The following L3MBTL3 variants were observed in gnomAD, a reference collection of about 807,000 sequenced individuals.
L3MBTL3 encodes the protein L3MBTL histone methyl-lysine binding protein 3.
L3MBTL3 carries 27 observed loss-of-function variants against 102.3 expected under a neutral mutation model. The ratio of observed to expected loss-of-function variants is 0.26; its 90% CI spans 0.19 to 0.36. The LOEUF is 0.36. L3MBTL3 is among the 10% of genes least tolerant of loss of function. The pLI, the probability that L3MBTL3 is intolerant of heterozygous loss-of-function variation, is 1.00. For missense variants in L3MBTL3, 798 were observed against 955.3 expected, an observed-to-expected ratio of 0.84 and a Z score of 2.17; for synonymous variants, 340 against 320.9, an observed-to-expected ratio of 1.06 and a Z score of -0.64.
intron 3 of L3MBTL3, among the ~76,000 whole-genome samples, chr6:130,047,029 A>G (rs1780767164): frequency 6.6e-6 from 1 of 152,224 alleles, no homozygotes; most frequent in South Asian, 2.1e-4. Flanking sequence ...GTTTTTGCAT[A>G]TGACAGAATA....
chr6:130,133,715 T>G lies in L3MBTL3; in HGVS notation c.2136+94T>G, dbSNP rs901115569. 1.8e-5 allele frequency: 27 copies of G among 1,521,952 alleles called. No individual in the cohort carries two copies. Among genetic ancestry groups the G allele is most frequent in the Non-Finnish European group, 2.3e-5 (26 of 1,114,942 alleles). The allele number at this position is 1,521,952 out of a possible 1,614,324, so 94.3% of individuals were successfully genotyped here. On this transcript the variant is annotated intron_variant, in intron 21 of 22. Transcript: ENST00000361794. This position sits in a 1 kb window ranked among gnomAD's most constrained non-coding sequence, Gnocchi z 4.9. ...GAGCGTAGGTAGCGTTTAGTCTTTT[T>G]TTTTCTGAAAGAGAAGAAATTATTG... is the stretch of plus-strand genomic sequence containing the variant.
chr6:130,063,393 T>C (rs543714191), intron 10 of L3MBTL3, among the ~76,000 whole-genome samples: 1 of 152,136 alleles, frequency 6.6e-6, no homozygotes, highest in Non-Finnish European at 1.5e-5. Context: ...GACAGGACCA[T>C]CTAGGAGAAT....
intron 19 of L3MBTL3, among the ~76,000 whole-genome samples, chr6:130,110,876 T>C (rs1785307502): frequency 6.6e-6 from 1 of 152,220 alleles, no homozygotes; most frequent in Non-Finnish European, 1.5e-5. Context: ...CATCAATACC[T>C]AGTTTTCTTT....
chr6:130,057,183 C>T (rs1378671623), intron 8 of L3MBTL3, among the ~76,000 whole-genome samples: 1 of 152,150 alleles, frequency 6.6e-6, no homozygotes, highest in Non-Finnish European at 1.5e-5. Flanking sequence ...ATTCTAAGTA[C>T]TTCCACTTCC....
At chr6:130,090,875 C>T (rs1357866358) in intron 16 of L3MBTL3, among the ~76,000 whole-genome samples, 1 of 152,180 alleles carries the variant, frequency 6.6e-6, no homozygotes, top group East Asian at 1.9e-4. Flanking sequence ...GCATGAACCA[C>T]TGAGCCTGGC....
At chr6:130,081,743 C>T (rs1399022943) in intron 14 of L3MBTL3, among the ~76,000 whole-genome samples, 1 of 152,022 alleles carries the variant, frequency 6.6e-6, no homozygotes, top group Non-Finnish European at 1.5e-5. Flanking sequence ...ACTCTTTAAA[C>T]ATTTTATTTT....
chr6:130,093,107 C>A (rs1003296684), intron 17 of L3MBTL3, among the ~76,000 whole-genome samples: 36 of 152,272 alleles, frequency 2.4e-4, no homozygotes, highest in African/African-American at 8.7e-4. Flanking sequence ...TCACCTTTTA[C>A]AATTAGTGTT....
intron 15 of L3MBTL3, among the ~76,000 whole-genome samples, chr6:130,084,560 T>C (rs901436192): frequency 2.0e-5 from 3 of 152,332 alleles, no homozygotes; most frequent in Admixed American, 6.5e-5. Context: ...TGATTTCATC[T>C]GATAGTAAGT....
chr6:130,062,555 A>T (rs1344045681), intron 10 of L3MBTL3, among the ~76,000 whole-genome samples: 2 of 124,226 alleles, frequency 1.6e-5, no homozygotes, highest in East Asian at 2.4e-4. Flanking sequence ...GCCCAGCTAA[A>T]TTTTTTTTTT....
At chr6:130,085,551 T>C (rs1045737892) in intron 15 of L3MBTL3, among the ~76,000 whole-genome samples, 1 of 152,220 alleles carries the variant, frequency 6.6e-6, no homozygotes, top group African/African-American at 2.4e-5. Flanking sequence ...TGAATTTTAC[T>C]CTGCTATTTC....
chr6:130,080,137 C>G (rs930969313), intron 14 of L3MBTL3, among the ~76,000 whole-genome samples: 7 of 151,612 alleles, frequency 4.6e-5, no homozygotes, highest in African/African-American at 1.7e-4. Flanking sequence ...ACCTATAGTC[C>G]CTGCTGTCTG....
intron 2 of L3MBTL3, among the ~76,000 whole-genome samples, chr6:130,028,530 T>C (rs1382558748): frequency 6.6e-6 from 1 of 152,202 alleles, no homozygotes; most frequent in African/African-American, 2.4e-5. Flanking sequence ...GAAATAATGA[T>C]CTAGAGTTTT....
At chr6:130,059,338 T>A (rs1781742789) in intron 9 of L3MBTL3, among the ~76,000 whole-genome samples, 1 of 152,200 alleles carries the variant, frequency 6.6e-6, no homozygotes, top group South Asian at 2.1e-4. Flanking sequence ...TGGACTTTGC[T>A]TTTTTTGTTT....
At chr6:130,106,141 C>G (rs914638171) in intron 19 of L3MBTL3, among the ~76,000 whole-genome samples, 1 of 152,026 alleles carries the variant, frequency 6.6e-6, no homozygotes, top group Non-Finnish European at 1.5e-5. Context: ...TTGCCTATGC[C>G]TATTAATACT....
intron 3 of L3MBTL3, 121 bp downstream of exon 3, chr6:130,042,922 A>T: frequency 1.5e-6 from 1 of 647,906 alleles, no homozygotes; most frequent in Non-Finnish European, 2.7e-6. Flanking sequence ...TAGGTTTTAG[A>T]TGATGCTTAG....
Position 130,133,061 on chromosome 6 carries a change from G to A in L3MBTL3, c.1967-391G>A, listed in dbSNP as rs1476980450. ...TACATGGTAAGCACAGGTGTTAGACGTGAGATGCAACTTGGCTGTTACCTT... is the reference window on the plus strand; with the variant it reads ...TACATGGTAAGCACAGGTGTTAGACATGAGATGCAACTTGGCTGTTACCTT... On this transcript the variant is annotated intron_variant, in intron 20 of 22. Coordinates refer to ENST00000361794, the MANE Select transcript of L3MBTL3 (RefSeq NM_032438.4). The surrounding 1 kb of genome is among the most constrained non-coding windows in gnomAD (Gnocchi z 4.9). Among the ~76,000 whole-genome samples the A allele has an allele frequency of 6.6e-6, 1 of 152,184 alleles. No individual in the cohort carries two copies. Among genetic ancestry groups the A allele is most frequent in the African/African-American group, 2.4e-5 (1 of 41,454 alleles).
rs1200401545 is a variant in L3MBTL3 at position 130,141,225 on chromosome 6, TC to T, written c.*1475del. ...TTATGATGTAGGACTTCCTTTGATA[TC>T]CCTGTTGGAAGTCCATTAGCAGTCC... On this transcript the variant is annotated 3_prime_UTR_variant, in exon 23 of 23. Coordinates refer to ENST00000361794, the MANE Select transcript of L3MBTL3 (RefSeq NM_032438.4). 1 of 152,224 alleles carries T rather than the reference TC, an allele frequency of 6.6e-6. No homozygotes were observed. The highest frequency in any genetic ancestry group is 1.5e-5 in the Non-Finnish European group (1 of 68,028). 9.4% of individuals were successfully genotyped at this position (152,224 alleles called of 1,614,324 possible). A position where few individuals can be genotyped will look rare whatever the true frequency, so the allele number is the denominator to read the frequency against.
chr6:130,098,067 CA>C (rs1009155711), intron 18 of L3MBTL3, among the ~76,000 whole-genome samples: 34 of 142,162 alleles, frequency 2.4e-4, no homozygotes, highest in African/African-American at 4.9e-4. Context: ...AACTCCATCT[CA>C]AAAAAAAAAA....
chr6:130,091,529 G>A (rs984283554), intron 16 of L3MBTL3, among the ~76,000 whole-genome samples: 3 of 152,042 alleles, frequency 2.0e-5, no homozygotes, highest in Admixed American at 2.0e-4. Context: ...TCACACAATG[G>A]CCATAGAGAT....
Sources: allele counts gnomAD v4.1 joint callset (sites outside exome capture counted in the v4.1 genomes callset), GRCh38; gene constraint gnomAD v4.1.1; non-coding constraint Gnocchi (gnomAD v3.1); transcripts MANE v1.5; gene names NCBI Gene and HGNC (gene_info 2026-07-23, HGNC 2026-07-21).